Variants in CSMD2 observed in about 807,000 individuals in gnomAD.
The protein encoded by CSMD2 is CUB and Sushi multiple domains 2.
A neutral mutation model predicts 398.5 loss-of-function variants in CSMD2; 130 were observed. The ratio of observed to expected loss-of-function variants is 0.33; its 90% CI spans 0.28 to 0.38. CSMD2 has a LOEUF of 0.38. Among genes scored for constraint, CSMD2 ranks in the 10% least tolerant of loss-of-function variants. CSMD2 has a pLI of 1.00. For missense variants in CSMD2, 3,829 were observed against 4,764.9 expected, an observed-to-expected ratio of 0.80 and a Z score of 5.78; for synonymous variants, 1,828 against 1,908.5, an observed-to-expected ratio of 0.96 and a Z score of 1.10.
intron 1 of CSMD2, among the ~76,000 whole-genome samples, chr1:34,096,417 T>C (rs984265999): frequency 2.0e-5 from 3 of 151,872 alleles, no homozygotes; most frequent in Non-Finnish European, 4.4e-5. Flanking sequence ...CCAGGGCAAT[T>C]AGGCAGGAGA....
chr1:33,679,366 T>C (rs1348676027), intron 25 of CSMD2, among the ~76,000 whole-genome samples: 1 of 152,110 alleles, frequency 6.6e-6, no homozygotes, highest in African/African-American at 2.4e-5. Context: ...CACATCCAGC[T>C]AATTTTTGTA....
intron 2 of CSMD2, 83 bp downstream of exon 2, chr1:34,088,894 T>C: frequency 8.5e-7 from 1 of 1,176,378 alleles, no homozygotes; most frequent in Non-Finnish European, 1.3e-6. Flanking sequence ...ACCATAAACT[T>C]TTCACTCGAG....
chr1:33,967,279 TG>T (rs1414469081), intron 3 of CSMD2, among the ~76,000 whole-genome samples: 3 of 141,808 alleles, frequency 2.1e-5, no homozygotes, highest in Non-Finnish European at 4.6e-5. Flanking sequence ...AAGCGGGGGG[TG>T]GGGGGTAGTC....
At chr1:33,952,621 C>T (rs1645040538) in intron 3 of CSMD2, among the ~76,000 whole-genome samples, 1 of 152,142 alleles carries the variant, frequency 6.6e-6, no homozygotes, top group South Asian at 2.1e-4. Context: ...ATTATACCTT[C>T]AGAGCATTTA....
rs528005358 is a variant in CSMD2, at chr1:33,723,880, T to C, written c.3001+317A>G. On this transcript the variant is annotated intron_variant, in intron 19 of 70. Transcript: ENST00000373381. ...ACATCAGGCATGTTTAGGCAGAGGG[T>C]GAGCTGAGCTGGCGTGTTGCCATCT... 1.9e-4 allele frequency among the ~76,000 whole-genome samples: 29 copies of C among 152,250 alleles called. 1 individual carries two copies. The highest frequency in any genetic ancestry group is 1.0e-3 in the Admixed American group (16 of 15,290).
Position 33,712,967 on chromosome 1 carries a change from G to T in CSMD2, c.3406+1620C>A, listed in dbSNP as rs531022982. Among the ~76,000 whole-genome samples the T allele has an allele frequency of 1.5e-3, 230 of 152,244 alleles. 2 individuals carry two copies. Among genetic ancestry groups the T allele is most frequent in the Non-Finnish European group, 3.8e-4 (26 of 68,006 alleles). ...TGTTTCCTTTCTGAGATTGTAAAAG[G>T]TTATTGGCAAAATAACAATAATTGG... On this transcript the variant is annotated intron_variant, in intron 21 of 70. Transcript: ENST00000373381.
chr1:33,682,803 G>C lies in CSMD2; in HGVS notation c.4052+10127C>G, dbSNP rs969968465. 3.3e-5 allele frequency among the ~76,000 whole-genome samples: 5 copies of C among 152,040 alleles called. No homozygotes were observed. The South Asian group carries it at 1.0e-3, about 32-fold the overall frequency. ...TACCTCACCCAAGGTCTAGAGCCCCGAATTACTTTGTGGAGTAAGCACTCC... is the reference window on the plus strand; with the variant it reads ...TACCTCACCCAAGGTCTAGAGCCCCCAATTACTTTGTGGAGTAAGCACTCC... On this transcript the variant is annotated intron_variant, in intron 25 of 70. Coordinates refer to ENST00000373381, the MANE Select transcript of CSMD2 (RefSeq NM_001281956.2).
chr1:34,103,344 G>A (rs1660187561), intron 1 of CSMD2, among the ~76,000 whole-genome samples: 1 of 142,192 alleles, frequency 7.0e-6, no homozygotes, highest in South Asian at 2.4e-4. Context: ...TGTCAACCAG[G>A]CTGGAGTGCA....
chr1:34,160,405 G>A (rs931900216), intron 1 of CSMD2, among the ~76,000 whole-genome samples: 1 of 152,184 alleles, frequency 6.6e-6, no homozygotes, highest in Non-Finnish European at 1.5e-5. Flanking sequence ...GGTATGCCAA[G>A]GGCTTATTGT....
At chr1:33,746,430 C>T (rs1187431680) in intron 13 of CSMD2, among the ~76,000 whole-genome samples, 1 of 152,226 alleles carries the variant, frequency 6.6e-6, no homozygotes, top group East Asian at 1.9e-4. Flanking sequence ...AAATTTGCTG[C>T]AGAGGACTAT....
At chr1:34,155,039 AT>A (rs1361438110) in intron 1 of CSMD2, among the ~76,000 whole-genome samples, 1 of 152,174 alleles carries the variant, frequency 6.6e-6, no homozygotes, top group Non-Finnish European at 1.5e-5. Flanking sequence ...ATCCATGCAT[AT>A]TTGAAGACAT....
At chr1:34,075,204 T>C (rs1656189265) in intron 2 of CSMD2, among the ~76,000 whole-genome samples, 1 of 152,194 alleles carries the variant, frequency 6.6e-6, no homozygotes, top group African/African-American at 2.4e-5. Context: ...CTTTCCAGTG[T>C]CCCCTCTCTG....
At chr1:33,726,333 C>A (rs1285238881) in intron 16 of CSMD2, among the ~76,000 whole-genome samples, 2 of 152,174 alleles carry the variant, frequency 1.3e-5, no homozygotes, top group Non-Finnish European at 2.9e-5. Context: ...CTTCTCTTCA[C>A]CCCTCCTGCC....
chr1:33,776,306 C>A (rs1026701460), intron 12 of CSMD2, among the ~76,000 whole-genome samples: 1 of 152,138 alleles, frequency 6.6e-6, no homozygotes, highest in African/African-American at 2.4e-5. Context: ...CCTTAGAGAC[C>A]GTGAGGGATG....
chr1:34,108,794 G>A (rs1382586134), intron 1 of CSMD2, among the ~76,000 whole-genome samples: 2 of 152,180 alleles, frequency 1.3e-5, no homozygotes, highest in East Asian at 3.8e-4. Context: ...GGGCCAGACG[G>A]AACCACAGTA....
intron 2 of CSMD2, among the ~76,000 whole-genome samples, chr1:34,067,729 A>C (rs554907660): frequency 6.6e-6 from 1 of 152,364 alleles, no homozygotes; most frequent in African/African-American, 2.4e-5. Flanking sequence ...CCCCCTATGA[A>C]GATTCACATA....
At chr1:33,645,816 C>G (rs1398975491) in intron 29 of CSMD2, among the ~76,000 whole-genome samples, 1 of 152,182 alleles carries the variant, frequency 6.6e-6, no homozygotes, top group Non-Finnish European at 1.5e-5. Flanking sequence ...CAAGGTCACG[C>G]AAATGTTAAG....
intron 66 of CSMD2, 38 bp from the exon 67 acceptor site, chr1:33,523,457 T>A (rs967426270): frequency 1.0e-6 from 1 of 968,084 alleles, no homozygotes; most frequent in African/African-American, 1.6e-5. Flanking sequence ...ATGAAAGATA[T>A]GGGAAAATTT....
chr1:33,760,659 CT>C (rs1649709605), intron 13 of CSMD2, among the ~76,000 whole-genome samples: 1 of 152,158 alleles, frequency 6.6e-6, no homozygotes, highest in Admixed American at 6.5e-5. Flanking sequence ...TTAATAACTT[CT>C]AAATTACAGC....
Sources: allele counts gnomAD v4.1 joint callset (sites outside exome capture counted in the v4.1 genomes callset), GRCh38; gene constraint gnomAD v4.1.1; transcripts MANE v1.5; gene names NCBI Gene and HGNC (gene_info 2026-07-23, HGNC 2026-07-21).